CACNB2: variants seen among roughly 807,000 people sequenced by gnomAD.
The protein encoded by CACNB2 is calcium voltage-gated channel auxiliary subunit beta 2, also known as voltage-dependent L-type calcium channel subunit beta-2.
CACNB2 carries 42 observed loss-of-function variants against 73.3 expected under a neutral mutation model. The ratio of observed to expected loss-of-function variants is 0.57; its 90% CI spans 0.45 to 0.74. CACNB2 has a LOEUF of 0.74. Ranked by LOEUF, CACNB2 falls within the 30% of genes least tolerant of loss-of-function variation. The probability of loss-of-function intolerance (pLI) is 0.00; values close to 1 mark genes in which losing one functional copy is unlikely to be tolerated. For missense variants in CACNB2, 940 were observed against 853.0 expected, an observed-to-expected ratio of 1.10 and a Z score of -1.27; for synonymous variants, 348 against 310.3, an observed-to-expected ratio of 1.12 and a Z score of -1.28.
chr10:18,262,282 T>C (rs1435343427), intron 2 of CACNB2, among the ~76,000 whole-genome samples: 1 of 135,978 alleles, frequency 7.4e-6, no homozygotes, highest in Non-Finnish European at 1.5e-5. Flanking sequence ...AAATCTGATA[T>C]GATCTCAATA....
intron 3 of CACNB2, among the ~76,000 whole-genome samples, chr10:18,409,740 T>A (rs2044510185): frequency 6.6e-6 from 1 of 152,126 alleles, no homozygotes; most frequent in Admixed American, 6.6e-5. Context: ...CCATTATCTT[T>A]TAATCTGGCC....
At chr10:18,499,613 C>CAAAAAAA (rs1336112573) in intron 4 of CACNB2, among the ~76,000 whole-genome samples, 1 of 21,380 alleles carries the variant, frequency 4.7e-5, no homozygotes, top group Non-Finnish European at 9.0e-5. Flanking sequence ...GATTCTGTCT[C>CAAAAAAA]AAAGAAAAAA....
chr10:18,177,071 C>A (rs1056402613), intron 2 of CACNB2, among the ~76,000 whole-genome samples: 4 of 152,006 alleles, frequency 2.6e-5, no homozygotes, highest in Non-Finnish European at 4.4e-5. Context: ...AACCCTAAGG[C>A]TGGGGTTTAG....
chr10:18,463,669 A>G (rs1654209447), intron 3 of CACNB2, among the ~76,000 whole-genome samples: 1 of 151,892 alleles, frequency 6.6e-6, no homozygotes, highest in Non-Finnish European at 1.5e-5. Context: ...CCTGGTCTCA[A>G]GTAGTCTGCC....
intron 2 of CACNB2, among the ~76,000 whole-genome samples, chr10:18,263,125 G>GT (rs1440671422): frequency 1.3e-5 from 2 of 152,190 alleles, no homozygotes; most frequent in Non-Finnish European, 2.9e-5. Context: ...ACCTGCTGCT[G>GT]TTTTAACCTC....
intron 2 of CACNB2, among the ~76,000 whole-genome samples, chr10:18,215,773 A>C (rs553286124): frequency 6.6e-6 from 1 of 152,158 alleles, no homozygotes; most frequent in Non-Finnish European, 1.5e-5. Flanking sequence ...TTAGGAGGCT[A>C]TAAATTTTCC....
intron 2 of CACNB2, among the ~76,000 whole-genome samples, chr10:18,163,264 A>T (rs1035290587): frequency 1.7e-4 from 26 of 152,222 alleles, no homozygotes; most frequent in African/African-American, 6.3e-4. Flanking sequence ...TTAACAGATG[A>T]TGAATGAAGA....
chr10:18,205,537 G>C (rs983403055), intron 2 of CACNB2, among the ~76,000 whole-genome samples: 1 of 152,124 alleles, frequency 6.6e-6, no homozygotes, highest in Admixed American at 6.6e-5. Context: ...CACTGGGTGA[G>C]CACATTTTCT....
chr10:18,377,381 G>C (rs1244692815), intron 2 of CACNB2, among the ~76,000 whole-genome samples: 2 of 152,164 alleles, frequency 1.3e-5, no homozygotes, highest in Non-Finnish European at 2.9e-5. Context: ...CTGTAATACA[G>C]AGGTTGACAA....
intron 2 of CACNB2, among the ~76,000 whole-genome samples, chr10:18,324,127 C>T (rs1564436428): frequency 6.6e-6 from 1 of 152,184 alleles, no homozygotes. Flanking sequence ...TTCATTCACT[C>T]ATCTGTCAAC....
intron 2 of CACNB2, among the ~76,000 whole-genome samples, chr10:18,356,621 C>A (rs980596355): frequency 2.6e-5 from 4 of 151,726 alleles, no homozygotes; most frequent in Non-Finnish European, 5.9e-5. Context: ...TCTCTCCTCT[C>A]GTCTCTTTTT....
At chr10:18,302,113 A>G (rs1419509223) in intron 2 of CACNB2, among the ~76,000 whole-genome samples, 2 of 152,180 alleles carry the variant, frequency 1.3e-5, no homozygotes, top group Non-Finnish European at 2.9e-5. Flanking sequence ...TGATTTATCA[A>G]AATTGCCCAC....
chr10:18,428,423 A>G (rs1214555511), intron 3 of CACNB2, among the ~76,000 whole-genome samples: 12 of 152,128 alleles, frequency 7.9e-5, no homozygotes, highest in Admixed American at 6.5e-4. Flanking sequence ...ATGGTGGCTC[A>G]CGCCTGTAAT....
intron 3 of CACNB2, among the ~76,000 whole-genome samples, chr10:18,479,697 C>G (rs1191712358): frequency 1.5e-4 from 6 of 40,146 alleles, no homozygotes; most frequent in Admixed American, 1.3e-3. Flanking sequence ...GTCTCTCTCT[C>G]TCGCTCGCTC....
At chr10:18,402,143 A>C in intron 3 of CACNB2, 100 bp downstream of exon 3, 3 of 1,313,536 alleles carry the variant, frequency 2.3e-6, no homozygotes, top group Non-Finnish European at 2.2e-6. Flanking sequence ...GATCTATTAG[A>C]GAATTTCATT....
chr10:18,317,978 C>T (rs2040256298), intron 2 of CACNB2, among the ~76,000 whole-genome samples: 2 of 152,084 alleles, frequency 1.3e-5, no homozygotes, highest in Admixed American at 6.6e-5. Flanking sequence ...AATAATAGGA[C>T]ACAAACAAAT....
At chr10:18,480,317 T>C (rs907091787) in intron 3 of CACNB2, among the ~76,000 whole-genome samples, 1 of 152,182 alleles carries the variant, frequency 6.6e-6, no homozygotes, top group Non-Finnish European at 1.5e-5. Flanking sequence ...TTTTCTCTTT[T>C]GGTTGTCAAC....
intron 3 of CACNB2, among the ~76,000 whole-genome samples, chr10:18,434,080 T>G (rs546062706): frequency 6.6e-6 from 1 of 152,272 alleles, no homozygotes; most frequent in South Asian, 2.1e-4. Context: ...AGAAAAACCA[T>G]TTTAAAACAT....
At chr10:18,269,529 A>T (rs936870746) in intron 2 of CACNB2, among the ~76,000 whole-genome samples, 5 of 152,360 alleles carry the variant, frequency 3.3e-5, no homozygotes, top group African/African-American at 1.2e-4. Context: ...AAGAAAGAAA[A>T]TCTGAAAGAA....
Sources: allele counts gnomAD v4.1 joint callset (sites outside exome capture counted in the v4.1 genomes callset), GRCh38; gene constraint gnomAD v4.1.1; transcripts MANE v1.5; gene names NCBI Gene and HGNC (gene_info 2026-07-23, HGNC 2026-07-21).